Variants in GLIS3 observed in about 807,000 individuals in gnomAD.
GLIS3 encodes GLIS family zinc finger 3, also known as zinc finger protein GLIS3.
GLIS3 carries 53 observed loss-of-function variants against 78.6 expected under a neutral mutation model. That is an observed-to-expected ratio of 0.67 (90% confidence interval 0.54 to 0.85). The LOEUF (loss-of-function observed/expected upper bound fraction) is 0.85, where lower values mean the gene tolerates loss of function less well. GLIS3 is among the 40% of genes least tolerant of loss of function. GLIS3 has a pLI of 0.00. For missense variants in GLIS3, 1,703 were observed against 1,231.1 expected (o/e 1.38, Z -5.74); for synonymous variants, 684 against 509.9 (o/e 1.34, Z -4.60).
At chr9:4,062,029 G>A (rs563128323) in intron 4 of GLIS3, among the ~76,000 whole-genome samples, 61 of 152,262 alleles carry the variant, frequency 4.0e-4, no homozygotes, top group African/African-American at 1.5e-3. Context: ...CAAGATTTCA[G>A]GCTGTCCCAG....
At chr9:4,077,367 G>C (rs1025149239) in intron 4 of GLIS3, among the ~76,000 whole-genome samples, 1 of 152,212 alleles carries the variant, frequency 6.6e-6, no homozygotes, top group African/African-American at 2.4e-5. Flanking sequence ...ACTGGCATCT[G>C]TCCAAAGGAT....
At chr9:4,225,626 G>C (rs1229216875) in intron 2 of GLIS3, among the ~76,000 whole-genome samples, 1 of 152,142 alleles carries the variant, frequency 6.6e-6, no homozygotes, top group Non-Finnish European at 1.5e-5. Flanking sequence ...AAAGAGAAAA[G>C]CTAACTAACT....
chr9:4,324,727 C>T (rs561583875), intron 2 of GLIS3, among the ~76,000 whole-genome samples: 2 of 152,294 alleles, frequency 1.3e-5, no homozygotes, highest in Admixed American at 1.3e-4. Context: ...ACTCAGCAAG[C>T]ACCATTTTCT....
At chr9:4,463,046 C>T in the GLIS3 span, among the ~76,000 whole-genome samples, 1 of 152,168 alleles carries the variant, frequency 6.6e-6, no homozygotes, top group South Asian at 2.1e-4. Flanking sequence ...TGGAGATTTA[C>T]AAAGGCAGAG....
At chr9:3,993,677 C>T (rs562470185) in intron 4 of GLIS3, among the ~76,000 whole-genome samples, 1 of 152,250 alleles carries the variant, frequency 6.6e-6, no homozygotes, top group African/African-American at 2.4e-5. Context: ...TTCATTTAAA[C>T]ATTCTATCAT....
At chr9:4,171,476 C>T (rs1816368401) in intron 2 of GLIS3, among the ~76,000 whole-genome samples, 1 of 152,006 alleles carries the variant, frequency 6.6e-6, no homozygotes, top group South Asian at 2.1e-4. Flanking sequence ...AAGAAAGGAA[C>T]ACAGATGGAA....
chr9:4,178,421 T>C (rs534287568), intron 2 of GLIS3, among the ~76,000 whole-genome samples: 1 of 152,098 alleles, frequency 6.6e-6, no homozygotes, highest in African/African-American at 2.4e-5. Context: ...GTGACTCTTA[T>C]GGCAATGAGA....
the GLIS3 span, among the ~76,000 whole-genome samples, chr9:4,454,402 T>G: frequency 6.6e-5 from 10 of 152,330 alleles, no homozygotes; most frequent in South Asian, 2.1e-3. Context: ...GAATGAACCC[T>G]GCACATACCT....
intron 2 of GLIS3, among the ~76,000 whole-genome samples, chr9:4,275,228 G>T (rs904695683): frequency 5.3e-5 from 8 of 152,308 alleles, no homozygotes; most frequent in African/African-American, 1.9e-4. Flanking sequence ...CATGTTCAGA[G>T]GGGCCAACTG....
chr9:3,855,563 G>T, intron 9 of GLIS3: 1 of 228,120 alleles, frequency 4.4e-6, no homozygotes, highest in Non-Finnish European at 8.8e-6. Flanking sequence ...ATCAGCTGGG[G>T]GATCAGGAAG....
the GLIS3 span, among the ~76,000 whole-genome samples, chr9:4,353,993 A>AT: frequency 0.09 from 12,258 of 135,650 alleles, 1,121 homozygotes; most frequent in African/African-American, 0.23. Flanking sequence ...ACACCCGGCT[A>AT]TTTTTTTTTT....
intron 2 of GLIS3, among the ~76,000 whole-genome samples, chr9:4,337,132 A>G (rs900025746): frequency 1.3e-5 from 2 of 152,262 alleles, no homozygotes; most frequent in African/African-American, 4.8e-5. Flanking sequence ...AATTGGTACA[A>G]CTTTTCCCGA....
chr9:4,185,091 A>G (rs1586909464), intron 2 of GLIS3, among the ~76,000 whole-genome samples: 1 of 152,194 alleles, frequency 6.6e-6, no homozygotes, highest in South Asian at 2.1e-4. Context: ...CATGATACCT[A>G]TATATAGTTA....
rs1342971238 is a variant in GLIS3, at chr9:4,118,079, G to A, written c.1399C>T (p.His467Tyr). The change falls in exon 4 of 11, where the codon CAC becomes TAC. Residue 467 changes from histidine (H) to tyrosine (Y), a missense_variant. Transcript: ENST00000381971. This position sits in a 1 kb window ranked among gnomAD's most constrained non-coding sequence, Gnocchi z 4.7. ...GPPPPYHAHA[H>Y]LHHPELGPHA... ...GGCCCGAGCTCCGGGTGGTGAAGGTGCGCATGGGCATGGTAAGGGGGTGGG... is the reference window on the plus strand; with the variant it reads ...GGCCCGAGCTCCGGGTGGTGAAGGTACGCATGGGCATGGTAAGGGGGTGGG... 1.9e-6 allele frequency: 3 copies of A among 1,569,590 alleles called. No homozygotes were observed. The highest frequency in any genetic ancestry group is 2.7e-5 in the African/African-American group (2 of 74,006).
At chr9:4,070,176 C>G (rs1239306870) in intron 4 of GLIS3, among the ~76,000 whole-genome samples, 1 of 152,112 alleles carries the variant, frequency 6.6e-6, no homozygotes, top group East Asian at 1.9e-4. Context: ...GTTGAGTCAG[C>G]TTTATAGAAT....
chr9:4,000,850 C>T (rs1051000040), intron 4 of GLIS3, among the ~76,000 whole-genome samples: 1 of 152,200 alleles, frequency 6.6e-6, no homozygotes, highest in Non-Finnish European at 1.5e-5. Context: ...CTGGCCAGTT[C>T]CTACACTTCC....
intron 4 of GLIS3, among the ~76,000 whole-genome samples, chr9:4,041,603 G>A (rs1824816403): frequency 6.6e-6 from 1 of 152,182 alleles, no homozygotes; most frequent in East Asian, 1.9e-4. Flanking sequence ...TTCCTAATCA[G>A]TATGGTTCTT....
chr9:4,304,828 T>A (rs1817188338), upstream of GLIS3, among the ~76,000 whole-genome samples: 1 of 152,196 alleles, frequency 6.6e-6, no homozygotes, highest in Admixed American at 6.5e-5. Flanking sequence ...TTTCCACAAA[T>A]CCTAACTTCT....
At chr9:4,172,189 A>G (rs1816430247) in intron 2 of GLIS3, among the ~76,000 whole-genome samples, 3 of 152,148 alleles carry the variant, frequency 2.0e-5, no homozygotes, top group African/African-American at 7.2e-5. Context: ...TGTATTTCTT[A>G]TTTACTTGGA....
Sources: gnomAD v4.1 joint callset for allele counts (sites outside exome capture counted in the v4.1 genomes callset) on GRCh38, gnomAD v4.1.1 for gene constraint, Gnocchi (gnomAD v3.1) non-coding constraint, MANE v1.5 for transcripts, NCBI Gene and HGNC (gene_info 2026-07-23, HGNC 2026-07-21) for gene names.